SPAG9: variants seen among roughly 807,000 people sequenced by gnomAD.
The protein encoded by SPAG9 is sperm associated antigen 9, also known as C-Jun-amino-terminal kinase-interacting protein 4.
A neutral mutation model predicts 166.5 loss-of-function variants in SPAG9; 35 were observed. The observed-to-expected ratio is 0.21, with a 90% confidence interval of 0.16 to 0.28. The LOEUF (loss-of-function observed/expected upper bound fraction) is 0.28, where lower values mean the gene tolerates loss of function less well. Ranked by LOEUF, SPAG9 falls within the 10% of genes least tolerant of loss-of-function variation. The pLI, the probability that SPAG9 is intolerant of heterozygous loss-of-function variation, is 1.00. For missense variants in SPAG9, 1,235 were observed against 1,603.3 expected, an observed-to-expected ratio of 0.77 and a Z score of 3.92; for synonymous variants, 534 against 565.5, an observed-to-expected ratio of 0.94 and a Z score of 0.79.
At chr17:51,080,751 C>T (rs147430498) in intron 1 of SPAG9, among the ~76,000 whole-genome samples, 88 of 151,736 alleles carry the variant, frequency 5.8e-4, no homozygotes, top group African/African-American at 2.0e-3. Context: ...CATGGTGGCA[C>T]GTTCCTGTAA....
chr17:51,091,019 T>TGGGA (rs891079713), intron 1 of SPAG9, among the ~76,000 whole-genome samples: 1 of 151,732 alleles, frequency 6.6e-6, no homozygotes, highest in African/African-American at 2.4e-5. Flanking sequence ...CCCAGCACTT[T>TGGGA]GGGAGGCCAA....
Position 50,990,684 on chromosome 17 carries a change from T to G in SPAG9, c.2399-16A>C. The G allele has an allele frequency of 6.3e-7, 1 of 1,596,502 alleles. No individual in the cohort carries two copies. The highest frequency in any genetic ancestry group is 8.6e-7 in the Non-Finnish European group (1 of 1,164,068). ...TCTCGTGCACCTGAAAAATAAATCTTCTTGTAACAGCAAAGTAAACTTCTA... is the reference window on the plus strand; with the variant it reads ...TCTCGTGCACCTGAAAAATAAATCTGCTTGTAACAGCAAAGTAAACTTCTA... On this transcript the variant is annotated splice_polypyrimidine_tract_variant and intron_variant, in intron 19 of 29. Transcript: ENST00000262013.
chr17:51,026,340 A>AT lies in SPAG9; in HGVS notation c.784-4976_784-4975insA, dbSNP rs1411459487. 5.9e-5 allele frequency among the ~76,000 whole-genome samples: 9 copies of AT among 151,846 alleles called. No homozygotes were observed. In the East Asian group the frequency reaches 1.5e-3, roughly 26 times the overall value. ...AAAGAGAAAAAAAAAAAAAAAAAAAAAAAAATAACCAGGAGAGAGCTGAAC... is the reference window on the plus strand; with the variant it reads ...AAAGAGAAAAAAAAAAAAAAAAAAAATAAAAATAACCAGGAGAGAGCTGAAC... On this transcript the variant is annotated intron_variant, in intron 6 of 29. Transcript: ENST00000262013.
chr17:50,989,438 A>G, intron 21 of SPAG9: 1 of 556,872 alleles, frequency 1.8e-6, no homozygotes, highest in East Asian at 3.2e-5. Context: ...CTGATGCATG[A>G]TTATACTTTT....
chr17:51,107,260 G>A lies in SPAG9; in HGVS notation c.303+13094C>T, dbSNP rs2048978715. ...CCTGTCCAGCTCTTTAAAAGAAACT[G>A]CAGGAAGGCCGGATGCAGTGGCTCA... On this transcript the variant is annotated intron_variant, in intron 1 of 29. Coordinates refer to ENST00000262013, the MANE Select transcript of SPAG9 (RefSeq NM_001130528.3). 1.3e-5 allele frequency among the ~76,000 whole-genome samples: 2 copies of A among 151,380 alleles called. 1 individual carries two copies. The highest frequency in any genetic ancestry group is 2.9e-5 in the Non-Finnish European group (2 of 67,842).
rs377143540 is a variant in SPAG9 at position 51,052,115 on chromosome 17, C to T, written c.495+4297G>A. ...TCTTAAATCAAATTTTAAAAAGCCA[C>T]GGTAGGTTTCCCTTAAGCAACAATG... On this transcript the variant is annotated intron_variant, in intron 3 of 29. Transcript: ENST00000262013. Among the ~76,000 whole-genome samples the T allele has an allele frequency of 1.4e-4, 21 of 152,230 alleles. No individual in the cohort carries two copies. In the East Asian group the frequency reaches 1.9e-3, roughly 14 times the overall value.
At chr17:51,118,067 C>A (rs2049346680) in intron 1 of SPAG9, among the ~76,000 whole-genome samples, 3 of 151,154 alleles carry the variant, frequency 2.0e-5, no homozygotes, top group Admixed American at 2.0e-4. Context: ...TTGCTTGAAC[C>A]CGGGAGGCAG....
intron 3 of SPAG9, among the ~76,000 whole-genome samples, chr17:51,053,148 CAA>C (rs1471832454): frequency 6.6e-6 from 1 of 151,206 alleles, no homozygotes; most frequent in Non-Finnish European, 1.5e-5. Context: ...ATTTTAAAAA[CAA>C]AAACGTTGTT....
intron 12 of SPAG9, among the ~76,000 whole-genome samples, chr17:51,002,988 T>TA (rs79811826): frequency 0.15 from 19,683 of 130,538 alleles, 1,798 homozygotes; most frequent in African/African-American, 0.29. Flanking sequence ...AGGCTGAAGT[T>TA]AAAAAAAAAA....
intron 1 of SPAG9, among the ~76,000 whole-genome samples, chr17:51,099,202 G>A (rs1433139742): frequency 6.6e-6 from 1 of 151,882 alleles, no homozygotes; most frequent in East Asian, 1.9e-4. Flanking sequence ...GAGAGACCGA[G>A]GTGGGCAGAT....
intron 1 of SPAG9, among the ~76,000 whole-genome samples, chr17:51,117,390 G>A (rs1411637094): frequency 6.6e-6 from 1 of 151,932 alleles, no homozygotes; most frequent in African/African-American, 2.4e-5. Flanking sequence ...CACTTACTTT[G>A]GTATAAAAGA....
chr17:50,978,984 TAC>T (rs1170570707), intron 26 of SPAG9, among the ~76,000 whole-genome samples: 5 of 152,092 alleles, frequency 3.3e-5, no homozygotes, highest in East Asian at 1.9e-4. Flanking sequence ...ACTGATTTAA[TAC>T]AGTTTTAGAG....
intron 19 of SPAG9, among the ~76,000 whole-genome samples, chr17:50,991,735 T>C (rs1466610091): frequency 6.6e-6 from 1 of 151,718 alleles, no homozygotes; most frequent in Non-Finnish European, 1.5e-5. Context: ...GCAATTCTCC[T>C]GCCTCAGCCT....
At chr17:50,970,884 A>C in intron 28 of SPAG9, 28 bp from the exon 29 acceptor site, 1 of 1,584,248 alleles carries the variant, frequency 6.3e-7, no homozygotes, top group South Asian at 1.1e-5. Context: ...AAAAGTGAAT[A>C]TTACTTATCA....
At chr17:51,015,337 A>T (rs1320434639) in intron 8 of SPAG9, among the ~76,000 whole-genome samples, 2 of 152,130 alleles carry the variant, frequency 1.3e-5, no homozygotes, top group Admixed American at 6.5e-5. Flanking sequence ...GGACAGGATT[A>T]AAAAAACTGT....
chr17:50,977,895 A>C (rs905399582), intron 26 of SPAG9, among the ~76,000 whole-genome samples: 2 of 152,150 alleles, frequency 1.3e-5, no homozygotes, highest in Non-Finnish European at 2.9e-5. Context: ...AAAAACAAAC[A>C]AACCCAGATA....
chr17:51,066,231 C>T (rs1387680308), intron 2 of SPAG9, among the ~76,000 whole-genome samples: 1 of 151,826 alleles, frequency 6.6e-6, no homozygotes, highest in Non-Finnish European at 1.5e-5. Context: ...TCAAGTGATC[C>T]TCCCAAGCAG....
intron 3 of SPAG9, among the ~76,000 whole-genome samples, chr17:51,051,284 T>A (rs1192040929): frequency 6.6e-6 from 1 of 152,140 alleles, no homozygotes; most frequent in Non-Finnish European, 1.5e-5. Context: ...AATTTTTGTA[T>A]TTTTAGTAGA....
chr17:51,069,811 T>C (rs1205690857), intron 2 of SPAG9, among the ~76,000 whole-genome samples: 1 of 152,088 alleles, frequency 6.6e-6, no homozygotes, highest in Non-Finnish European at 1.5e-5. Flanking sequence ...AAAGGAATGT[T>C]ACATGGGGGA....
Sources: allele counts gnomAD v4.1 joint callset (sites outside exome capture counted in the v4.1 genomes callset), GRCh38; gene constraint gnomAD v4.1.1; transcripts MANE v1.5; gene names NCBI Gene and HGNC (gene_info 2026-07-23, HGNC 2026-07-21).